The following ARID5A variants were observed in gnomAD, a reference collection of about 807,000 sequenced individuals.
The protein encoded by ARID5A is AT-rich interaction domain 5A, also known as AT-rich interactive domain-containing protein 5A.
In ARID5A, 14 loss-of-function variants were observed where a neutral mutation model predicts 30.5. The observed-to-expected ratio is 0.46, with a 90% CI of 0.30 to 0.72. The LOEUF is 0.72. Ranked by LOEUF, ARID5A falls within the 30% of genes least tolerant of loss-of-function variation. The probability of loss-of-function intolerance (pLI) is 0.07; values close to 1 mark genes in which losing one functional copy is unlikely to be tolerated. For missense variants in ARID5A, 669 were observed against 786.2 expected (o/e 0.85, Z 1.78); for synonymous variants, 338 against 340.4 (o/e 0.99, Z 0.08).
intron 2 of ARID5A, among the ~76,000 whole-genome samples, chr2:96,548,135 G>A (rs1206019264): frequency 1.3e-5 from 2 of 152,164 alleles, no homozygotes; most frequent in Non-Finnish European, 2.9e-5. Context: ...AGCATGTTAT[G>A]ATTTCATGGG....
rs1382528138 is a variant in ARID5A at position 96,552,138 on chromosome 2, A to G, written c.1610A>G (p.His537Arg). The change falls in exon 7 of 7, where the codon CAC becomes CGC. Residue 537 changes from histidine to arginine, a missense_variant. This residue lies in a region of ARID5A where 548 missense variants were observed against 577.4 expected (regional missense o/e 0.95). Coordinates refer to ENST00000357485, the MANE Select transcript of ARID5A (RefSeq NM_212481.3). Reference sequence around the variant, plus strand: ...CTGGTCATCCCGGCCTTCCCGGCCCACTTCCTGGCCACCGCAGGCCCCTCG... The same window carrying G: ...CTGGTCATCCCGGCCTTCCCGGCCCGCTTCCTGGCCACCGCAGGCCCCTCG... ...SPLVIPAFPA[H>R]FLATAGPSPM... 6 of 1,612,610 alleles carry G rather than the reference A, an allele frequency of 3.7e-6. No individual in the cohort carries two copies. The Middle Eastern group carries it at 5.0e-4, about 133-fold the overall frequency.
At position 96,550,734 on chromosome 2, in the gene ARID5A, G is replaced by A; in HGVS notation, c.570+1G>A. 1 of 1,560,020 alleles carries A rather than the reference G, an allele frequency of 6.4e-7. No individual in the cohort carries two copies. The highest frequency in any genetic ancestry group is 8.7e-7 in the Non-Finnish European group (1 of 1,153,540). Reference sequence around the variant, plus strand: ...CAAGGAGGAGCGGCGCATGGACCAGGTAGGCCTGCGGCTGGCTGGGGCCAC... The same window carrying A: ...CAAGGAGGAGCGGCGCATGGACCAGATAGGCCTGCGGCTGGCTGGGGCCAC... On this transcript the variant is annotated splice_donor_variant, in intron 6 of 6. Transcript: ENST00000357485. LOFTEE classifies it high-confidence loss of function. This position sits in a 1 kb window ranked among gnomAD's most constrained non-coding sequence, Gnocchi z 6.6.
At chr2:96,543,497 A>G (rs958189173) in intron 1 of ARID5A, among the ~76,000 whole-genome samples, 1 of 150,982 alleles carries the variant, frequency 6.6e-6, no homozygotes, top group Non-Finnish European at 1.5e-5. Context: ...AACATTTCAA[A>G]CTTTTTCATT....
Position 96,547,427 on chromosome 2 carries a change from GCA to G in ARID5A, c.31_32del (p.Gln11ValfsTer5). The G allele has an allele frequency of 6.2e-7, 1 of 1,613,948 alleles. No individual in the cohort carries two copies. The highest frequency in any genetic ancestry group is 8.5e-7 in the Non-Finnish European group (1 of 1,179,976). On this transcript the variant is annotated frameshift_variant, in exon 2 of 7. Transcript: ENST00000357485. LOFTEE classifies it high-confidence loss of function. MAAPVKGNRK[Q>X]STEGDALDPP... ...CAGCCCCTGTCAAAGGGAACAGGAA[GCA>G]GTCCACGGAGGGTGACGCCCTAGAC...
chr2:96,540,405 G>T (rs941046164), intron 1 of ARID5A, among the ~76,000 whole-genome samples: 1 of 152,192 alleles, frequency 6.6e-6, no homozygotes, highest in African/African-American at 2.4e-5. Flanking sequence ...AGGAGCCCAG[G>T]CTCATCTTCT....
rs1469104161 is a variant in ARID5A at position 96,543,172 on chromosome 2, G to C, written c.5-4230G>C. On this transcript the variant is annotated intron_variant, in intron 1 of 6. Coordinates refer to ENST00000357485, the MANE Select transcript of ARID5A (RefSeq NM_212481.3). ...TCTTCATGAAGGCCTTGCAAATGTT[G>C]ATAACCACAGCAGCCACTGGACCAG... Among the ~76,000 whole-genome samples, 4 of 152,300 alleles carry C rather than the reference G, an allele frequency of 2.6e-5. No individual in the cohort carries two copies. The East Asian group carries it at 5.8e-4, about 22-fold the overall frequency.
intron 1 of ARID5A, among the ~76,000 whole-genome samples, chr2:96,547,090 C>CTG (rs372996866): frequency 4.7e-5 from 7 of 150,482 alleles, no homozygotes; most frequent in East Asian, 1.9e-4. Flanking sequence ...GGAGGAGGGC[C>CTG]TGTGTGTGTG....
In ARID5A at chr2:96,539,114, C is replaced by T. The variant is rs1340192710; in HGVS notation, c.4+2284C>T. The stretch of plus-strand genomic sequence containing the variant: ...CAGGCCTCTGATCTTCTCACTGAGC[C>T]TGGCTGTGGTTTGTGGGGGAAGCCT... On this transcript the variant is annotated intron_variant, in intron 1 of 6. Coordinates refer to ENST00000357485, the MANE Select transcript of ARID5A (RefSeq NM_212481.3). This position sits in a 1 kb window ranked among gnomAD's most constrained non-coding sequence, Gnocchi z 4.7. 6.6e-6 allele frequency among the ~76,000 whole-genome samples: 1 copy of T among 152,214 alleles called. No individual in the cohort carries two copies. Among genetic ancestry groups the T allele is most frequent in the African/African-American group, 2.4e-5 (1 of 41,446 alleles).
intron 1 of ARID5A, among the ~76,000 whole-genome samples, chr2:96,542,267 GC>G (rs1024507716): frequency 2.0e-5 from 3 of 152,200 alleles, no homozygotes; most frequent in African/African-American, 7.2e-5. Context: ...CCAAAGGCCT[GC>G]AACCCAGAGG....
chr2:96,550,791 C>T lies in ARID5A; in HGVS notation c.570+58C>T, dbSNP rs2066024603. 2.0e-6 allele frequency: 3 copies of T among 1,487,406 alleles called. No individual in the cohort carries two copies. In the African/African-American group the frequency reaches 4.3e-5, roughly 21 times the overall value. 92.1% of individuals were successfully genotyped at this position (1,487,406 alleles called of 1,614,324 possible). A position where few individuals can be genotyped will look rare whatever the true frequency, so the allele number is the denominator to read the frequency against. On this transcript the variant is annotated intron_variant, in intron 6 of 6. Coordinates refer to ENST00000357485, the MANE Select transcript of ARID5A (RefSeq NM_212481.3). This position sits in a 1 kb window ranked among gnomAD's most constrained non-coding sequence, Gnocchi z 6.6. ...CCTTGCCTCTTGTAGCCCCCTACCC[C>T]ACAACTCCCTGTGGCCGCGGAGCTG...
At position 96,550,779 on chromosome 2, in the gene ARID5A, A is replaced by G; in HGVS notation, c.570+46A>G. The G allele has an allele frequency of 6.6e-7, 1 of 1,504,304 alleles. No individual in the cohort carries two copies. The highest frequency in any genetic ancestry group is 8.9e-7 in the Non-Finnish European group (1 of 1,123,892). The allele number at this position is 1,504,304 out of a possible 1,614,324, so 93.2% of individuals were successfully genotyped here. On this transcript the variant is annotated intron_variant, in intron 6 of 6. Coordinates refer to ENST00000357485, the MANE Select transcript of ARID5A (RefSeq NM_212481.3). This position sits in a 1 kb window ranked among gnomAD's most constrained non-coding sequence, Gnocchi z 6.6. ...GGCCACCCTGTCCCTTGCCTCTTGT[A>G]GCCCCCTACCCCACAACTCCCTGTG... is the stretch of plus-strand genomic sequence containing the variant.
At chr2:96,544,580 A>G (rs891600286) in intron 1 of ARID5A, among the ~76,000 whole-genome samples, 4 of 152,242 alleles carry the variant, frequency 2.6e-5, no homozygotes, top group African/African-American at 7.2e-5. Context: ...TTTTAAGCCA[A>G]CTGTTGAGAC....
chr2:96,547,562 C>T, intron 2 of ARID5A, 45 bp downstream of exon 2: 2 of 1,569,440 alleles, frequency 1.3e-6, no homozygotes, highest in Non-Finnish European at 1.8e-6. Flanking sequence ...TCTTCCCTGC[C>T]ACCCTCACCT....
At chr2:96,541,943 G>A (rs1336458107) in intron 1 of ARID5A, among the ~76,000 whole-genome samples, 1 of 152,178 alleles carries the variant, frequency 6.6e-6, no homozygotes, top group Non-Finnish European at 1.5e-5. Flanking sequence ...CTGGGAGACG[G>A]GGCCTCCAGC....
Position 96,552,172 on chromosome 2 carries a change from C to G in ARID5A, c.1644C>G (p.Ala548=), listed in dbSNP as rs376362879. 9 of 1,613,224 alleles carry G rather than the reference C, an allele frequency of 5.6e-6. No homozygotes were observed. Among genetic ancestry groups the G allele is most frequent in the Non-Finnish European group, 6.8e-6 (8 of 1,180,024 alleles). Residue 548 remains alanine (A), a synonymous_variant, in exon 7 of 7, where the codon GCC becomes GCG. Coordinates refer to ENST00000357485, the MANE Select transcript of ARID5A (RefSeq NM_212481.3). ...CCACCGCAGGCCCCTCGCCCATGGC[C>G]GCTGGCCTGATGCACTTCCCCCCAA... ...FLATAGPSPM[A]AGLMHFPPTS...
Position 96,537,301 on chromosome 2 carries a change from A to C in ARID5A, c.4+471A>C, listed in dbSNP as rs2065752542. 1 of 154,590 alleles carries C rather than the reference A, an allele frequency of 6.5e-6. No individual in the cohort carries two copies. Among genetic ancestry groups the C allele is most frequent in the Non-Finnish European group, 1.4e-5 (1 of 69,694 alleles). The allele number at this position is 154,590 out of a possible 1,614,324, so 9.6% of individuals were successfully genotyped here. On this transcript the variant is annotated intron_variant, in intron 1 of 6. Transcript: ENST00000357485. This position sits in a 1 kb window ranked among gnomAD's most constrained non-coding sequence, Gnocchi z 4.8. Reference sequence around the variant, plus strand: ...TCAGAACCGCGGCGCCGCCGGGCACAGACTCCGGGTCCAGAGCGCGCGGCC... The same window carrying C: ...TCAGAACCGCGGCGCCGCCGGGCACCGACTCCGGGTCCAGAGCGCGCGGCC...
intron 1 of ARID5A, among the ~76,000 whole-genome samples, chr2:96,544,553 A>G (rs2065895058): frequency 6.6e-6 from 1 of 152,256 alleles, no homozygotes; most frequent in Non-Finnish European, 1.5e-5. Flanking sequence ...TCTGTTTATA[A>G]CATGGTTTAC....
Position 96,549,843 on chromosome 2 carries a change from A to G in ARID5A, c.312+38A>G. The G allele has an allele frequency of 6.3e-7, 1 of 1,599,432 alleles. No individual in the cohort carries two copies. Among genetic ancestry groups the G allele is most frequent in the South Asian group, 1.1e-5 (1 of 88,798 alleles). ...CCTCCCAGTCCTTGCCAAACTGCAT[A>G]TCCCTGGGGTGAGCCTGCAGCGCTG... On this transcript the variant is annotated intron_variant, in intron 4 of 6. Coordinates refer to ENST00000357485, the MANE Select transcript of ARID5A (RefSeq NM_212481.3). The surrounding 1 kb of genome is among the most constrained non-coding windows in gnomAD (Gnocchi z 6.1).
Position 96,551,441 on chromosome 2 carries a change from A to G in ARID5A, c.913A>G (p.Thr305Ala). The change falls in exon 7 of 7, where the codon ACT becomes GCT. Residue 305 changes from threonine to alanine, a missense_variant. Thr to Ala is a moderately conservative substitution (Grantham distance 58, BLOSUM62 0). Around this residue, in one of 4 missense-constraint regions of ARID5A, gnomAD observed 548 missense variants for 577.4 expected, o/e 0.95. Coordinates refer to ENST00000357485, the MANE Select transcript of ARID5A (RefSeq NM_212481.3). ...GAGTCCCCAGAGCCCCAAAGGGCTGACTGAGAACTCCAGGCACCGGCTGAC... is the reference window on the plus strand; with the variant it reads ...GAGTCCCCAGAGCCCCAAAGGGCTGGCTGAGAACTCCAGGCACCGGCTGAC... ...PESPQSPKGLTENSRHRLTPQ... is the reference protein window; with the variant it reads ...PESPQSPKGLAENSRHRLTPQ... 6.3e-7 allele frequency: 1 copy of G among 1,595,888 alleles called. No homozygotes were observed. The highest frequency in any genetic ancestry group is 1.3e-5 in the African/African-American group (1 of 74,578).
Sources: allele counts gnomAD v4.1 joint callset (sites outside exome capture counted in the v4.1 genomes callset), GRCh38; gene constraint gnomAD v4.1.1; regional missense constraint gnomAD v4.1.1; non-coding constraint Gnocchi (gnomAD v3.1); transcripts MANE v1.5; gene names NCBI Gene and HGNC (gene_info 2026-07-23, HGNC 2026-07-21).